The following AKAP6 variants were observed in gnomAD, a reference collection of about 807,000 sequenced individuals.
AKAP6 encodes A-kinase anchor protein 6.
A neutral mutation model predicts 188.5 loss-of-function variants in AKAP6; 58 were observed. The observed-to-expected ratio is 0.31, with a 90% CI of 0.25 to 0.38. AKAP6 has a LOEUF of 0.38. Among genes scored for constraint, AKAP6 ranks in the 10% least tolerant of loss-of-function variants. The pLI, the probability that AKAP6 is intolerant of heterozygous loss-of-function variation, is 1.00. For missense variants in AKAP6, 2,710 were observed against 2,740.0 expected (o/e 0.99, Z 0.24); for synonymous variants, 989 against 998.6 (o/e 0.99, Z 0.18).
In AKAP6 at chr14:32,834,530, A is replaced by AGT. The variant is rs1242152195; in HGVS notation, c.*4726_*4727dup. The stretch of plus-strand genomic sequence containing the variant: ...GATCACACACTGCTTTTAGTTTCCA[A>AGT]GTCTTTTTTTTTTTTTTTTTTTTTA... On this transcript the variant is annotated 3_prime_UTR_variant, in exon 14 of 14. Transcript: ENST00000280979. 4 of 111,744 alleles carry AGT rather than the reference A, an allele frequency of 3.6e-5. No homozygotes were observed. Among genetic ancestry groups the AGT allele is most frequent in the African/African-American group, 6.3e-5 (2 of 31,792 alleles). 6.9% of individuals were successfully genotyped at this position (111,744 alleles called of 1,614,324 possible). A position where few individuals can be genotyped will look rare whatever the true frequency, so the allele number is the denominator to read the frequency against.
At chr14:32,738,036 A>G (rs554752992) in intron 11 of AKAP6, among the ~76,000 whole-genome samples, 6 of 152,278 alleles carry the variant, frequency 3.9e-5, no homozygotes, top group African/African-American at 1.4e-4. Flanking sequence ...AAACTCAGCA[A>G]GAGGGAAGAA....
intron 7 of AKAP6, among the ~76,000 whole-genome samples, chr14:32,635,652 TC>T (rs1887452737): frequency 6.6e-6 from 1 of 151,738 alleles, no homozygotes; most frequent in South Asian, 2.1e-4. Flanking sequence ...GTGGATATGT[TC>T]AAGGTAATTG....
chr14:32,611,729 T>C (rs1057314967), intron 7 of AKAP6, among the ~76,000 whole-genome samples: 5 of 152,176 alleles, frequency 3.3e-5, no homozygotes, highest in East Asian at 1.9e-4. Context: ...AATGGTATTA[T>C]AGCAGGTCAA....
chr14:32,581,925 G>A (rs145259884), intron 5 of AKAP6, among the ~76,000 whole-genome samples: 42 of 151,482 alleles, frequency 2.8e-4, no homozygotes, highest in Admixed American at 5.3e-4. Context: ...TACAGCACAC[G>A]GATGGGTCTT....
In AKAP6 at chr14:32,824,127, G is replaced by A. The variant is rs776159106; in HGVS notation, c.6314G>A (p.Arg2105Lys). 7.4e-6 allele frequency: 12 copies of A among 1,613,854 alleles called. No individual in the cohort carries two copies. Among genetic ancestry groups the A allele is most frequent in the Admixed American group, 5.0e-5 (3 of 59,930 alleles). Residue 2105 changes from arginine (R) to lysine (K), a missense_variant, in exon 13 of 14, where the codon AGA (arginine) becomes AAA (lysine). Transcript: ENST00000280979. ...LEHSHRPIQLRKGDFYSYLSL... is the reference protein window; with the variant it reads ...LEHSHRPIQLKKGDFYSYLSL... ...CATTCTCACCGGCCCATCCAGCTGA[G>A]AAAAGGGGACTTTTATTCGTACTTA...
intron 1 of AKAP6, among the ~76,000 whole-genome samples, chr14:32,350,508 G>GT (rs1177562280): frequency 6.6e-6 from 1 of 152,186 alleles, no homozygotes; most frequent in Non-Finnish European, 1.5e-5. Flanking sequence ...TAAATGTGAT[G>GT]TGGTACTCAA....
rs139686712 is a variant in AKAP6, at chr14:32,722,290, G to A, written c.3001-10164G>A. On this transcript the variant is annotated intron_variant, in intron 9 of 13. Coordinates refer to ENST00000280979, the MANE Select transcript of AKAP6 (RefSeq NM_004274.5). ...GAAAATGGAATGCAAGCAGTACAAGGTTGGGGCCTAGCAAATCACAGTCAA... is the reference window on the plus strand; with the variant it reads ...GAAAATGGAATGCAAGCAGTACAAGATTGGGGCCTAGCAAATCACAGTCAA... Among the ~76,000 whole-genome samples the A allele has an allele frequency of 1.9e-3, 296 of 152,232 alleles. 1 individual carries two copies. The highest frequency in any genetic ancestry group is 6.7e-3 in the African/African-American group (278 of 41,548).
At chr14:32,642,392 T>C (rs1008679351) in intron 7 of AKAP6, among the ~76,000 whole-genome samples, 12 of 152,208 alleles carry the variant, frequency 7.9e-5, no homozygotes, top group African/African-American at 2.9e-4. Context: ...TTGATCTACG[T>C]TGGCTGAAAA....
chr14:32,462,820 C>A (rs749319803), intron 2 of AKAP6, among the ~76,000 whole-genome samples: 1 of 137,162 alleles, frequency 7.3e-6, no homozygotes, highest in Non-Finnish European at 1.5e-5. Flanking sequence ...GTGCTGCATT[C>A]AAGAGACCCA....
chr14:32,457,838 T>TA (rs1891195127), intron 2 of AKAP6, among the ~76,000 whole-genome samples: 2 of 152,216 alleles, frequency 1.3e-5, no homozygotes, highest in African/African-American at 4.8e-5. Context: ...CATGCCAAAG[T>TA]AAAAAATTTA....
chr14:32,809,267 G>T (rs2034163587), intron 12 of AKAP6, among the ~76,000 whole-genome samples: 1 of 152,180 alleles, frequency 6.6e-6, no homozygotes, highest in African/African-American at 2.4e-5. Context: ...GGAAACACAT[G>T]GCATTTACAT....
At chr14:32,427,630 A>G (rs912241403) in intron 1 of AKAP6, among the ~76,000 whole-genome samples, 10 of 152,216 alleles carry the variant, frequency 6.6e-5, no homozygotes, top group Non-Finnish European at 1.5e-4. Flanking sequence ...CCAATCTGGT[A>G]TCCTGGAATC....
At chr14:32,467,782 T>C (rs756910241) in intron 2 of AKAP6, among the ~76,000 whole-genome samples, 2 of 152,154 alleles carry the variant, frequency 1.3e-5, no homozygotes, top group African/African-American at 2.4e-5. Context: ...TCACACATTT[T>C]ACTTTTCAAT....
chr14:32,821,218 A>T (rs1418752685), intron 12 of AKAP6, among the ~76,000 whole-genome samples, 184 bp from the exon 13 acceptor site: 2 of 152,204 alleles, frequency 1.3e-5, no homozygotes, highest in African/African-American at 4.8e-5. Context: ...TTGATAGAAA[A>T]GCCTCTTTCA....
rs903209090 is a variant in AKAP6 at position 32,366,112 on chromosome 14, C to T, written c.-35+36704C>T. On this transcript the variant is annotated intron_variant, in intron 1 of 13. Coordinates refer to ENST00000280979, the MANE Select transcript of AKAP6 (RefSeq NM_004274.5). ...ATTAAACAGCAATCCATTGTCCCTA[C>T]CCTCCCCCCACTACCATTTCCTCTC... Among the ~76,000 whole-genome samples the T allele has an allele frequency of 5.9e-5, 9 of 152,052 alleles. No individual in the cohort carries two copies. In the East Asian group the frequency reaches 1.7e-3, roughly 29 times the overall value.
chr14:32,601,569 C>G (rs1885929334), intron 7 of AKAP6, among the ~76,000 whole-genome samples: 1 of 152,156 alleles, frequency 6.6e-6, no homozygotes, highest in Non-Finnish European at 1.5e-5. Context: ...TCACTCCTTT[C>G]TTTTGCATCT....
chr14:32,600,485 C>T (rs772076393), intron 6 of AKAP6, 144 bp from the exon 7 acceptor site: 14 of 924,712 alleles, frequency 1.5e-5, no homozygotes, highest in Non-Finnish European at 2.1e-5. Flanking sequence ...TTCTGAGTGA[C>T]AAATGCTGAT....
At chr14:32,462,837 G>A (rs531417786) in intron 2 of AKAP6, among the ~76,000 whole-genome samples, 9 of 131,116 alleles carry the variant, frequency 6.9e-5, no homozygotes, top group South Asian at 2.6e-4. Flanking sequence ...CCCATCTCAC[G>A]TGCAAAAACA....
At chr14:32,427,131 C>T (rs187134758) in intron 1 of AKAP6, among the ~76,000 whole-genome samples, 9 of 152,230 alleles carry the variant, frequency 5.9e-5, no homozygotes, top group East Asian at 3.9e-4. Context: ...CCCCTATTGA[C>T]GTGCTGTTTC....
Sources: allele counts gnomAD v4.1 joint callset (sites outside exome capture counted in the v4.1 genomes callset), GRCh38; gene constraint gnomAD v4.1.1; transcripts MANE v1.5; gene names NCBI Gene and HGNC (gene_info 2026-07-23, HGNC 2026-07-21).